The following POU6F2 variants were observed in gnomAD, a reference collection of about 807,000 sequenced individuals.
POU6F2 encodes POU domain, class 6, transcription factor 2.
POU6F2 carries 31 observed loss-of-function variants against 71.3 expected under a neutral mutation model. The observed-to-expected ratio is 0.43, with a 90% CI of 0.33 to 0.59. The LOEUF (loss-of-function observed/expected upper bound fraction) is 0.59. Among genes scored for constraint, POU6F2 ranks in the 20% least tolerant of loss-of-function variants. POU6F2 has a pLI of 0.04. For synonymous variants in POU6F2, 347 were observed against 355.7 expected (o/e 0.98, Z 0.27); for missense variants, 783 against 856.8 (o/e 0.91, Z 1.07).
chr7:39,219,471 G>A (rs903292360), intron 4 of POU6F2, among the ~76,000 whole-genome samples: 1 of 152,078 alleles, frequency 6.6e-6, no homozygotes, highest in Non-Finnish European at 1.5e-5. Flanking sequence ...CTGTCCTCAT[G>A]TAGGGCAGTG....
chr7:39,223,933 ATATATC>A (rs1450648357), intron 4 of POU6F2, among the ~76,000 whole-genome samples: 2 of 152,170 alleles, frequency 1.3e-5, no homozygotes, highest in Non-Finnish European at 2.9e-5. Context: ...ATCCAATCCT[ATATATC>A]TATTAGACAT....
chr7:39,289,727 T>G (rs1784715896), intron 4 of POU6F2, among the ~76,000 whole-genome samples: 1 of 152,224 alleles, frequency 6.6e-6, no homozygotes, highest in Non-Finnish European at 1.5e-5. Flanking sequence ...ATAGTTGGCC[T>G]TGGTTTTGGT....
At chr7:39,454,736 A>C (rs1788759860) in intron 8 of POU6F2, among the ~76,000 whole-genome samples, 1 of 113,562 alleles carries the variant, frequency 8.8e-6, no homozygotes, top group African/African-American at 3.2e-5. Context: ...ATAAAATAAG[A>C]TATATATATA....
intron 5 of POU6F2, chr7:39,404,452 A>T (rs1787376319): frequency 6.6e-6 from 1 of 152,198 alleles, no homozygotes; most frequent in Non-Finnish European, 1.5e-5. Context: ...TGCAATTAAT[A>T]AAAAATATTT....
chr7:39,262,341 C>A (rs1784151914), intron 4 of POU6F2, among the ~76,000 whole-genome samples: 1 of 152,134 alleles, frequency 6.6e-6, no homozygotes, highest in Non-Finnish European at 1.5e-5. Context: ...AGCTTGTGCC[C>A]ATAGTCACAG....
intron 6 of POU6F2, among the ~76,000 whole-genome samples, chr7:39,432,171 A>G (rs1247485624): frequency 2.0e-5 from 3 of 152,012 alleles, no homozygotes; most frequent in Non-Finnish European, 4.4e-5. Flanking sequence ...TCTCCTTGGC[A>G]CAGTAATTGG....
chr7:39,154,999 G>A (rs1792840162), intron 2 of POU6F2, among the ~76,000 whole-genome samples: 1 of 152,064 alleles, frequency 6.6e-6, no homozygotes, highest in Non-Finnish European at 1.5e-5. Flanking sequence ...TGGACCTGTG[G>A]AATAAAATGA....
At chr7:39,415,862 G>A (rs1405440889) in intron 6 of POU6F2, among the ~76,000 whole-genome samples, 3 of 152,066 alleles carry the variant, frequency 2.0e-5, no homozygotes, top group African/African-American at 4.8e-5. Context: ...AGACATCAAG[G>A]GTTAAGTGAC....
intron 4 of POU6F2, among the ~76,000 whole-genome samples, chr7:39,218,258 A>G (rs1438587987): frequency 6.6e-6 from 1 of 152,204 alleles, no homozygotes; most frequent in Non-Finnish European, 1.5e-5. Flanking sequence ...ATTACCATGG[A>G]TGGAAGGGAA....
intron 5 of POU6F2, among the ~76,000 whole-genome samples, chr7:39,353,292 G>A (rs1033200963): frequency 6.6e-6 from 1 of 152,168 alleles, no homozygotes; most frequent in Non-Finnish European, 1.5e-5. Flanking sequence ...GAATGCATGG[G>A]TTGACCTAAA....
At chr7:39,062,453 T>C (rs1229950838) in intron 1 of POU6F2, among the ~76,000 whole-genome samples, 2 of 151,396 alleles carry the variant, frequency 1.3e-5, no homozygotes, top group East Asian at 2.0e-4. Flanking sequence ...AGTTAGACTT[T>C]GTTATTGCCA....
At chr7:39,303,173 T>C (rs1480631095) in intron 4 of POU6F2, among the ~76,000 whole-genome samples, 1 of 152,246 alleles carries the variant, frequency 6.6e-6, no homozygotes, top group African/African-American at 2.4e-5. Context: ...TGGTTTTTTT[T>C]TGAGACGGAG....
At chr7:39,126,468 T>G (rs1427586850) in intron 2 of POU6F2, among the ~76,000 whole-genome samples, 3 of 152,214 alleles carry the variant, frequency 2.0e-5, no homozygotes, top group Non-Finnish European at 4.4e-5. Flanking sequence ...CGTCATTAAG[T>G]AGGATGTTGA....
chr7:39,130,180 G>GTT (rs1491215152), intron 2 of POU6F2, among the ~76,000 whole-genome samples: 2 of 130,008 alleles, frequency 1.5e-5, no homozygotes, highest in African/African-American at 5.9e-5. Flanking sequence ...GTGTGTGTGT[G>GTT]TTTTAATGTC....
At chr7:39,307,954 C>CAA (rs61368817) in intron 4 of POU6F2, among the ~76,000 whole-genome samples, 3 of 113,640 alleles carry the variant, frequency 2.6e-5, no homozygotes, top group African/African-American at 3.3e-5. Context: ...GATTCCGTTT[C>CAA]AAAAAAAAAA....
intron 1 of POU6F2, among the ~76,000 whole-genome samples, chr7:38,979,598 A>G (rs1376905217): frequency 3.3e-5 from 5 of 152,194 alleles, no homozygotes; most frequent in African/African-American, 1.2e-4. Context: ...ACCTGTTTCA[A>G]TGTAAGTACT....
At chr7:39,423,807 A>G (rs1324891088) in intron 6 of POU6F2, among the ~76,000 whole-genome samples, 1 of 152,188 alleles carries the variant, frequency 6.6e-6, no homozygotes, top group African/African-American at 2.4e-5. Flanking sequence ...AGAATTACAT[A>G]TAGTGCTGAG....
At chr7:39,457,466 G>C (rs1030472882) in intron 8 of POU6F2, among the ~76,000 whole-genome samples, 1 of 152,172 alleles carries the variant, frequency 6.6e-6, no homozygotes, top group Non-Finnish European at 1.5e-5. Context: ...GCCTGCTCCG[G>C]AGCCCCTCCT....
chr7:39,054,900 G>A (rs1370728369), intron 1 of POU6F2, among the ~76,000 whole-genome samples: 1 of 151,850 alleles, frequency 6.6e-6, no homozygotes, highest in Non-Finnish European at 1.5e-5. Flanking sequence ...GATAACAGGT[G>A]GAAAAGGCCA....
Sources: gnomAD v4.1 joint callset for allele counts (sites outside exome capture counted in the v4.1 genomes callset) on GRCh38, gnomAD v4.1.1 for gene constraint, MANE v1.5 for transcripts, NCBI Gene and HGNC (gene_info 2026-07-23, HGNC 2026-07-21) for gene names.